Variants in ATRX observed in about 807,000 individuals in gnomAD.
The protein encoded by ATRX is ATRX chromatin remodeler.
ATRX carries 12 observed loss-of-function variants against 172.6 expected under a neutral mutation model. The observed-to-expected ratio is 0.07, with a 90% CI of 0.04 to 0.11. The LOEUF is 0.11. Ranked by LOEUF, ATRX falls within the 10% of genes least tolerant of loss-of-function variation. ATRX has a pLI of 1.00. For synonymous variants in ATRX, 674 were observed against 594.7 expected (o/e 1.13, Z -1.94); for missense variants, 1,368 against 1,767.4 (o/e 0.77, Z 4.05).
chrX:77,571,765 C>T (rs1424791550), intron 28 of ATRX, among the ~76,000 whole-genome samples: 1 of 111,331 alleles, frequency 9.0e-6, no homozygotes, highest in African/African-American at 3.3e-5. Context: ...TTCACAGGAC[C>T]TCTCTGTACT....
chrX:77,551,148 G>A (rs990963951), intron 30 of ATRX, among the ~76,000 whole-genome samples: 5 of 111,497 alleles, frequency 4.5e-5, no homozygotes, highest in Admixed American at 9.6e-5. Flanking sequence ...AAAAGACCCC[G>A]CATTGCCAAG....
chrX:77,647,709 A>G (rs1321085732), intron 15 of ATRX, among the ~76,000 whole-genome samples: 1 of 112,117 alleles, frequency 8.9e-6, no homozygotes, highest in African/African-American at 3.2e-5. Context: ...GAAAACACAT[A>G]AATATTGAAC....
At chrX:77,525,280 C>A (rs2063346417) in intron 30 of ATRX, among the ~76,000 whole-genome samples, 1 of 111,813 alleles carries the variant, frequency 8.9e-6, no homozygotes, top group South Asian at 3.8e-4. Context: ...CTCCAAAGTC[C>A]ACTGTTACTG....
chrX:77,519,732 T>C (rs1042847174), intron 34 of ATRX, among the ~76,000 whole-genome samples: 2 of 111,867 alleles, frequency 1.8e-5, no homozygotes, highest in African/African-American at 6.5e-5. Context: ...ACAAGCACTA[T>C]GGAGAACGGT....
At chrX:77,627,807 A>C (rs1228209724) in intron 19 of ATRX, among the ~76,000 whole-genome samples, 1 of 110,449 alleles carries the variant, frequency 9.1e-6, no homozygotes, top group Non-Finnish European at 1.9e-5. Context: ...TTGAAGCTAC[A>C]GTGAGCTATA....
intron 1 of ATRX, among the ~76,000 whole-genome samples, chrX:77,758,819 CTT>C (rs2075611819): frequency 9.0e-6 from 1 of 111,292 alleles, no homozygotes; most frequent in African/African-American, 3.3e-5. Context: ...GCTTTATAAT[CTT>C]TTCTTTCCAT....
chrX:77,783,211 G>A (rs1368239314), intron 1 of ATRX, among the ~76,000 whole-genome samples: 11 of 111,365 alleles, frequency 9.9e-5, no homozygotes, highest in African/African-American at 3.6e-4. Context: ...CTCCAGCCTG[G>A]GCAACAAAGT....
chrX:77,633,869 A>G (rs925037374), intron 17 of ATRX, 157 bp from the exon 18 acceptor site: 17 of 502,831 alleles, frequency 3.4e-5, no homozygotes, highest in Non-Finnish European at 5.0e-5. Context: ...GTAAAATGCC[A>G]AAGTTCAACT....
At chrX:77,599,865 T>A (rs1557086262) in intron 23 of ATRX, 45 bp from the exon 24 acceptor site, 3 of 996,219 alleles carry the variant, frequency 3.0e-6, no homozygotes, top group South Asian at 3.9e-5. Context: ...ATATCTCAAC[T>A]TACACTGGAA....
At chrX:77,594,185 A>G (rs2066389050) in intron 25 of ATRX, 2 of 157,575 alleles carry the variant, frequency 1.3e-5, no homozygotes, top group African/African-American at 6.3e-5. Context: ...CAAAGAGAAG[A>G]GAAACCATCC....
rs782176247 is a variant in ATRX, at chrX:77,682,689, C to G, written c.2567G>C (p.Ser856Thr). Reference protein sequence around the residue: ...DFDSSEDEKHSKKGMDNQGHK... With the variant: ...DFDSSEDEKHTKKGMDNQGHK... ...CCCTTGATTATCCATTCCTTTTTTG[C>G]TGTGTTTCTCATCTTCAGAAGAGTC... Residue 856 changes from serine to threonine, a missense_variant, in exon 9 of 35, where the codon AGC becomes ACC. By Grantham distance (58) the Ser-to-Thr change is moderately conservative. Transcript: ENST00000373344. 1 of 1,208,777 alleles carries G rather than the reference C, an allele frequency of 8.3e-7. No homozygotes were observed. Among genetic ancestry groups the G allele is most frequent in the South Asian group, 1.8e-5 (1 of 56,972 alleles).
chrX:77,506,892 GTTTTCTTTTTT>G lies in ATRX; in HGVS notation c.*1448_*1458del, dbSNP rs1394471822. On this transcript the variant is annotated 3_prime_UTR_variant, in exon 35 of 35. Coordinates refer to ENST00000373344, the MANE Select transcript of ATRX (RefSeq NM_000489.6). ...ATACCTAAAGCAAAGCCCAAACCCA[GTTTTCTTTTTT>G]TTTTTTTTTTTTTTTTTTTTGGAAT... is the stretch of plus-strand genomic sequence containing the variant. 4 of 61,236 alleles carry G rather than the reference GTTTTCTTTTTT, an allele frequency of 6.5e-5. No homozygotes were observed. The highest frequency in any genetic ancestry group is 1.2e-4 in the Non-Finnish European group (4 of 33,171). 5.0% of individuals were successfully genotyped at this position (61,236 alleles called of 1,213,427 possible).
intron 15 of ATRX, among the ~76,000 whole-genome samples, chrX:77,644,974 C>A (rs782635741): frequency 1.7e-4 from 19 of 110,864 alleles, no homozygotes; most frequent in Admixed American, 2.9e-4. Context: ...TGTCGAAGGC[C>A]AAAGACAAAG....
intron 2 of ATRX, among the ~76,000 whole-genome samples, chrX:77,702,936 AG>A (rs1212972894): frequency 8.9e-6 from 1 of 111,848 alleles, no homozygotes; most frequent in African/African-American, 3.3e-5. Flanking sequence ...TATGTTTCCC[AG>A]GCTGGTCTCA....
intron 34 of ATRX, among the ~76,000 whole-genome samples, chrX:77,517,369 G>A (rs1231757541): frequency 9.0e-6 from 1 of 111,272 alleles, no homozygotes; most frequent in Admixed American, 9.5e-5. Context: ...GAAATTCAAA[G>A]GATCATTAGA....
chrX:77,671,789 A>G (rs1487631774), intron 10 of ATRX, among the ~76,000 whole-genome samples: 1 of 110,374 alleles, frequency 9.1e-6, no homozygotes, highest in Non-Finnish European at 1.9e-5. Context: ...TTCTTTTTTG[A>G]GGAAGACCTA....
At chrX:77,756,356 G>A (rs1158982499) in intron 1 of ATRX, among the ~76,000 whole-genome samples, 2 of 109,625 alleles carry the variant, frequency 1.8e-5, no homozygotes, top group Non-Finnish European at 3.8e-5. Context: ...GGGAGTGAAT[G>A]GGTCTATCTC....
intron 12 of ATRX, among the ~76,000 whole-genome samples, chrX:77,659,292 C>T (rs1290023391): frequency 1.8e-5 from 2 of 110,571 alleles, no homozygotes; most frequent in African/African-American, 6.6e-5. Context: ...CAAAAACACA[C>T]ACACTGACAC....
chrX:77,667,511 T>C (rs1397059133), intron 10 of ATRX, among the ~76,000 whole-genome samples: 2 of 111,325 alleles, frequency 1.8e-5, no homozygotes, highest in African/African-American at 6.5e-5. Context: ...TTTCAGTTTG[T>C]GTTTACAAGT....
Sources: allele counts gnomAD v4.1 joint callset (sites outside exome capture counted in the v4.1 genomes callset), GRCh38; gene constraint gnomAD v4.1.1; transcripts MANE v1.5; gene names NCBI Gene and HGNC (gene_info 2026-07-23, HGNC 2026-07-21).